Variants in JAKMIP1 observed in about 807,000 individuals in gnomAD.
JAKMIP1 encodes the protein janus kinase and microtubule interacting protein 1, also known as janus kinase and microtubule-interacting protein 1.
A neutral mutation model predicts 113.0 loss-of-function variants in JAKMIP1; 33 were observed. The ratio of observed to expected loss-of-function variants is 0.29; its 90% CI spans 0.22 to 0.39. The LOEUF (loss-of-function observed/expected upper bound fraction) is 0.39, where lower values mean the gene tolerates loss of function less well. JAKMIP1 is among the 10% of genes least tolerant of loss of function. The probability of loss-of-function intolerance (pLI) is 1.00; values close to 1 mark genes in which losing one functional copy is unlikely to be tolerated. For missense variants in JAKMIP1, 813 were observed against 1,080.5 expected, an observed-to-expected ratio of 0.75 and a Z score of 3.47; for synonymous variants, 480 against 459.9, an observed-to-expected ratio of 1.04 and a Z score of -0.56.
At position 6,080,611 on chromosome 4, in the gene JAKMIP1, C is replaced by T. The variant is rs73196081; in HGVS notation, c.1102-299G>A. On this transcript the variant is annotated intron_variant, in intron 6 of 20. Transcript: ENST00000409021. This position sits in a 1 kb window ranked among gnomAD's most constrained non-coding sequence, Gnocchi z 6.0. ...TCTCTGATGTTTTTATAAGGGTTTTCCCCTTTTACTTGGCTCTCAGTCTGT... is the reference window on the plus strand; with the variant it reads ...TCTCTGATGTTTTTATAAGGGTTTTTCCCTTTTACTTGGCTCTCAGTCTGT... 2.5e-4 allele frequency among the ~76,000 whole-genome samples: 38 copies of T among 152,242 alleles called. No homozygotes were observed. The highest frequency in any genetic ancestry group is 6.2e-4 in the South Asian group (3 of 4,818).
rs530276769 is a variant in JAKMIP1, at chr4:6,194,091, G to A, written c.-148+6162C>T. Among the ~76,000 whole-genome samples the A allele has an allele frequency of 1.3e-5, 2 of 152,138 alleles. No individual in the cohort carries two copies. The highest frequency in any genetic ancestry group is 3.9e-4 in the East Asian group (2 of 5,136). Reference sequence around the variant, plus strand: ...TACATCTGTGAAATATCCAGAACAGGCAAATCCAAGGAGACAGAGGGCAGA... The same window carrying A: ...TACATCTGTGAAATATCCAGAACAGACAAATCCAAGGAGACAGAGGGCAGA... On this transcript the variant is annotated intron_variant, in intron 1 of 20. Transcript: ENST00000409021. This position sits in a 1 kb window ranked among gnomAD's most constrained non-coding sequence, Gnocchi z 7.4.
Position 6,081,536 on chromosome 4 carries a change from G to T in JAKMIP1, c.1101+73C>A. 6.4e-7 allele frequency: 1 copy of T among 1,555,534 alleles called. No individual in the cohort carries two copies. ...GGTGCGCCCCAGAACATGTGAATCG[G>T]GAGGTTCAGGGCTGAAGAATCCCAG... On this transcript the variant is annotated intron_variant, in intron 6 of 20. Coordinates refer to ENST00000409021, the MANE Select transcript of JAKMIP1 (RefSeq NM_001099433.2). This position sits in a 1 kb window ranked among gnomAD's most constrained non-coding sequence, Gnocchi z 4.6.
rs371167774 is a variant in JAKMIP1, at chr4:6,141,474, CA to C, written c.-147-28478del. Among the ~76,000 whole-genome samples the C allele has an allele frequency of 1.3e-3, 196 of 152,190 alleles. 1 individual carries two copies. The highest frequency in any genetic ancestry group is 4.5e-3 in the African/African-American group (185 of 41,544). On this transcript the variant is annotated intron_variant, in intron 1 of 20. Transcript: ENST00000409021. This position sits in a 1 kb window ranked among gnomAD's most constrained non-coding sequence, Gnocchi z 9.4. ...AAATAAATACCAAAAAACAAACAAA[CA>C]AACACAAAAAACAAAGTGGTAGATG...
intron 2 of JAKMIP1, among the ~76,000 whole-genome samples, chr4:6,109,622 C>A (rs912408637): frequency 7.9e-5 from 12 of 151,972 alleles, no homozygotes; most frequent in African/African-American, 2.9e-4. Context: ...CAGGGTCTGT[C>A]TCTGAGTTAC....
Position 6,076,837 on chromosome 4 carries a change from A to G in JAKMIP1, c.1302+2102T>C, listed in dbSNP as rs972061095. 3.9e-5 allele frequency among the ~76,000 whole-genome samples: 6 copies of G among 152,222 alleles called. No individual in the cohort carries two copies. The highest frequency in any genetic ancestry group is 2.1e-4 in the South Asian group (1 of 4,830). On this transcript the variant is annotated intron_variant, in intron 8 of 20. Coordinates refer to ENST00000409021, the MANE Select transcript of JAKMIP1 (RefSeq NM_001099433.2). The surrounding 1 kb of genome is among the most constrained non-coding windows in gnomAD (Gnocchi z 4.8). ...ATACATAGCCTGAAGGGAATTGTAT[A>G]TAATATTTTAAATAATTTTGTGCAT...
intron 3 of JAKMIP1, among the ~76,000 whole-genome samples, chr4:6,087,965 G>A (rs1721531947): frequency 6.6e-6 from 1 of 152,182 alleles, no homozygotes; most frequent in South Asian, 2.1e-4. Flanking sequence ...ATGGGTAGGA[G>A]CACTGTCCCT....
chr4:6,164,779 G>A (rs935869061), intron 1 of JAKMIP1, among the ~76,000 whole-genome samples: 8 of 152,232 alleles, frequency 5.3e-5, no homozygotes, highest in Non-Finnish European at 8.8e-5. Flanking sequence ...CATAAGTGGT[G>A]AGAAAAGCAA....
chr4:6,183,478 C>CAATAAATCAATAAATAAATAAATA lies in JAKMIP1; in HGVS notation c.-148+16774_-148+16775insTATTTATTTATTTATTGATTTATT, dbSNP rs1726280935. On this transcript the variant is annotated intron_variant, in intron 1 of 20. Transcript: ENST00000409021. The surrounding 1 kb of genome is among the most constrained non-coding windows in gnomAD (Gnocchi z 5.3). ...TGGGTGACAGAGCAAGACTCTGTCT[C>CAATAAATCAATAAATAAATAAATA]AATAAATAAATAAATAAATAAATAA... Among the ~76,000 whole-genome samples, 1 of 126,672 alleles carries CAATAAATCAATAAATAAATAAATA rather than the reference C, an allele frequency of 7.9e-6. No homozygotes were observed. The highest frequency in any genetic ancestry group is 3.0e-5 in the African/African-American group (1 of 33,788). The allele number at this position is 126,672 out of a possible 152,430, so 83.1% of individuals were successfully genotyped here.
chr4:6,095,908 A>AAG (rs1240477285), intron 3 of JAKMIP1, among the ~76,000 whole-genome samples: 1 of 152,048 alleles, frequency 6.6e-6, no homozygotes, highest in Non-Finnish European at 1.5e-5. Flanking sequence ...GAAATAATCA[A>AAG]AGAGAGAGAG....
Position 6,040,812 on chromosome 4 carries a change from A to C in JAKMIP1, c.2098-96T>G. The C allele has an allele frequency of 1.1e-6, 1 of 897,444 alleles. No homozygotes were observed. The highest frequency in any genetic ancestry group is 1.8e-6 in the Non-Finnish European group (1 of 555,376). The allele number at this position is 897,444 out of a possible 1,614,324, so 55.6% of individuals were successfully genotyped here. ...TGCTAGAGAGTGGCAGTCTCACCGA[A>C]TTGGGGGCACTCAGATGAGAAGGGA... On this transcript the variant is annotated intron_variant, in intron 17 of 20. Coordinates refer to ENST00000409021, the MANE Select transcript of JAKMIP1 (RefSeq NM_001099433.2). This position sits in a 1 kb window ranked among gnomAD's most constrained non-coding sequence, Gnocchi z 5.8.
chr4:6,057,074 G>T (rs984850722), intron 11 of JAKMIP1, among the ~76,000 whole-genome samples: 1 of 152,176 alleles, frequency 6.6e-6, no homozygotes. Flanking sequence ...GCATGCGGAA[G>T]GCTGACCTCA....
rs944025023 is a variant in JAKMIP1, at chr4:6,187,515, G to A, written c.-148+12738C>T. On this transcript the variant is annotated intron_variant, in intron 1 of 20. Coordinates refer to ENST00000409021, the MANE Select transcript of JAKMIP1 (RefSeq NM_001099433.2). The surrounding 1 kb of genome is among the most constrained non-coding windows in gnomAD (Gnocchi z 4.2). ...TGGCAAGTGATTAGGTCACGAGGGCGAGCCCTCATAAATGAGATTAGTGCC... is the reference window on the plus strand; with the variant it reads ...TGGCAAGTGATTAGGTCACGAGGGCAAGCCCTCATAAATGAGATTAGTGCC... 2.6e-5 allele frequency among the ~76,000 whole-genome samples: 4 copies of A among 152,228 alleles called. No homozygotes were observed. Among genetic ancestry groups the A allele is most frequent in the East Asian group, 1.9e-4 (1 of 5,200 alleles).
chr4:6,028,140 C>G (rs1712103098), intron 20 of JAKMIP1, among the ~76,000 whole-genome samples: 1 of 152,230 alleles, frequency 6.6e-6, no homozygotes, highest in African/African-American at 2.4e-5. Context: ...CTGGGCCTAC[C>G]TGGGCAAGGC....
rs150343884 is a variant in JAKMIP1, at chr4:6,064,829, G to T, written c.1431+51C>A. 0.039 allele frequency: 62,611 copies of T among 1,609,484 alleles called. 1,452 individuals carry two copies. The highest frequency in any genetic ancestry group is 0.046 in the Non-Finnish European group (54,415 of 1,177,442). ...GCAACTATCAAAAGCAGGAGGTGCCGCCCCGAGAGCATCTGGGGTGAGGTC... is the reference window on the plus strand; with the variant it reads ...GCAACTATCAAAAGCAGGAGGTGCCTCCCCGAGAGCATCTGGGGTGAGGTC... On this transcript the variant is annotated intron_variant, in intron 9 of 20. Transcript: ENST00000409021. The surrounding 1 kb of genome is among the most constrained non-coding windows in gnomAD (Gnocchi z 4.3).
chr4:6,138,436 C>CTGTCTCAAAATAAATAAATA lies in JAKMIP1; in HGVS notation c.-147-25440_-147-25439insTATTTATTTATTTTGAGACA, dbSNP rs1560256550. On this transcript the variant is annotated intron_variant, in intron 1 of 20. Transcript: ENST00000409021. The surrounding 1 kb of genome is among the most constrained non-coding windows in gnomAD (Gnocchi z 6.0). ...ATTTTTAGTAGAGATGGGGTTTCGC[C>CTGTCTCAAAATAAATAAATA]ATGTTGACCAGGCTGGTCTCAAACT... 6.6e-6 allele frequency among the ~76,000 whole-genome samples: 1 copy of CTGTCTCAAAATAAATAAATA among 151,954 alleles called. No homozygotes were observed. The highest frequency in any genetic ancestry group is 2.4e-5 in the African/African-American group (1 of 41,334).
rs139268624 is a variant in JAKMIP1, at chr4:6,165,666, G to C, written c.-148+34587C>G. The stretch of plus-strand genomic sequence containing the variant: ...AGACATAATGCTATTGTACACTTAA[G>C]AGACTACAACAGAGTGTAAACATAA... On this transcript the variant is annotated intron_variant, in intron 1 of 20. Coordinates refer to ENST00000409021, the MANE Select transcript of JAKMIP1 (RefSeq NM_001099433.2). Among the ~76,000 whole-genome samples, 186 of 152,300 alleles carry C rather than the reference G, an allele frequency of 1.2e-3. 1 individual carries two copies. Among genetic ancestry groups the C allele is most frequent in the African/African-American group, 4.0e-3 (168 of 41,568 alleles).
Position 6,156,247 on chromosome 4 carries a change from C to T in JAKMIP1, c.-147-43250G>A, listed in dbSNP as rs1189121887. Among the ~76,000 whole-genome samples, 1 of 152,222 alleles carries T rather than the reference C, an allele frequency of 6.6e-6. No individual in the cohort carries two copies. The highest frequency in any genetic ancestry group is 1.5e-5 in the Non-Finnish European group (1 of 68,030). On this transcript the variant is annotated intron_variant, in intron 1 of 20. Coordinates refer to ENST00000409021, the MANE Select transcript of JAKMIP1 (RefSeq NM_001099433.2). The surrounding 1 kb of genome is among the most constrained non-coding windows in gnomAD (Gnocchi z 5.0). The stretch of plus-strand genomic sequence containing the variant: ...CGGAAGTGGCCCGCCAACACAGGAA[C>T]AAGCGAATGCCACTGTATCACACTG...
rs897477828 is a variant in JAKMIP1 at position 6,156,838 on chromosome 4, T to C, written c.-148+43415A>G. 6.6e-5 allele frequency among the ~76,000 whole-genome samples: 10 copies of C among 152,246 alleles called. No homozygotes were observed. Among genetic ancestry groups the C allele is most frequent in the African/African-American group, 2.4e-4 (10 of 41,462 alleles). On this transcript the variant is annotated intron_variant, in intron 1 of 20. Coordinates refer to ENST00000409021, the MANE Select transcript of JAKMIP1 (RefSeq NM_001099433.2). This position sits in a 1 kb window ranked among gnomAD's most constrained non-coding sequence, Gnocchi z 5.0. Reference sequence around the variant, plus strand: ...GCACATGGACATGGTCTGCCCATGATAGGTGTTGGTCACGTTACAATTGTT... The same window carrying C: ...GCACATGGACATGGTCTGCCCATGACAGGTGTTGGTCACGTTACAATTGTT...
chr4:6,179,984 A>T lies in JAKMIP1; in HGVS notation c.-148+20269T>A, dbSNP rs1372095595. Among the ~76,000 whole-genome samples the T allele has an allele frequency of 6.6e-6, 1 of 152,170 alleles. No individual in the cohort carries two copies. The highest frequency in any genetic ancestry group is 1.5e-5 in the Non-Finnish European group (1 of 68,046). ...GTCTGTTTTGTTTTCTATCCCTAGG[A>T]CCAGCAGCATGCCTGACATCCTCTT... On this transcript the variant is annotated intron_variant, in intron 1 of 20. Transcript: ENST00000409021. This position sits in a 1 kb window ranked among gnomAD's most constrained non-coding sequence, Gnocchi z 4.5.
Sources: allele counts gnomAD v4.1 joint callset (sites outside exome capture counted in the v4.1 genomes callset), GRCh38; gene constraint gnomAD v4.1.1; non-coding constraint Gnocchi (gnomAD v3.1); transcripts MANE v1.5; gene names NCBI Gene and HGNC (gene_info 2026-07-23, HGNC 2026-07-21).